The following SPON2 variants were observed in gnomAD, a reference collection of about 807,000 sequenced individuals.
The protein encoded by SPON2 is spondin 2, also known as spondin-2.
SPON2 carries 32 observed loss-of-function variants against 29.9 expected under a neutral mutation model. That is an observed-to-expected ratio of 1.07 (90% confidence interval 0.81 to 1.44). The LOEUF (loss-of-function observed/expected upper bound fraction) is 1.44, where lower values mean the gene tolerates loss of function less well. Ranked by LOEUF, SPON2 falls within the 40% of genes most tolerant of loss-of-function variation. SPON2 has a pLI of 0.00. For synonymous variants in SPON2, 248 were observed against 209.1 expected (o/e 1.19, Z -1.61); for missense variants, 541 against 455.5 (o/e 1.19, Z -1.71).
intron 1 of SPON2, among the ~76,000 whole-genome samples, chr4:1,186,831 C>T (rs572575471): frequency 4.7e-4 from 71 of 152,234 alleles, no homozygotes; most frequent in African/African-American, 1.6e-3. Context: ...TAGGACATCA[C>T]CTCACACCCA....
At chr4:1,191,359 G>C (rs1727911054) in intron 1 of SPON2, among the ~76,000 whole-genome samples, 1 of 152,164 alleles carries the variant, frequency 6.6e-6, no homozygotes, top group Non-Finnish European at 1.5e-5. Context: ...ACTCACTTGA[G>C]GAGAGATCAG....
chr4:1,189,048 A>G (rs368005632), intron 1 of SPON2, among the ~76,000 whole-genome samples: 3 of 152,202 alleles, frequency 2.0e-5, no homozygotes, highest in African/African-American at 7.2e-5. Flanking sequence ...GGTAATTAAA[A>G]AATATGTTAA....
rs1176780502 is a variant in SPON2 at position 1,189,693 on chromosome 4, G to A, written c.-239+5297C>T. 2.1e-5 allele frequency among the ~76,000 whole-genome samples: 3 copies of A among 146,010 alleles called. No homozygotes were observed. The Admixed American group carries it at 2.1e-4, about 10-fold the overall frequency. ...AAAGAAAAGAAAACAAAAAACAAAA[G>A]TTGGTTTTTGGAAGGCCAGGTGCGG... is the stretch of plus-strand genomic sequence containing the variant. On this transcript the variant is annotated intron_variant, in intron 1 of 3. Coordinates refer to the SPON2 transcript ENST00000502483.
intron 1 of SPON2, among the ~76,000 whole-genome samples, chr4:1,187,627 C>G (rs990967803): frequency 3.3e-5 from 5 of 152,098 alleles, no homozygotes; most frequent in African/African-American, 1.2e-4. Flanking sequence ...CAATTAATAT[C>G]TTAATTTATA....
chr4:1,174,456 C>T (rs1471162549), upstream of SPON2, among the ~76,000 whole-genome samples: 1 of 144,320 alleles, frequency 6.9e-6, no homozygotes, highest in Non-Finnish European at 1.5e-5. Context: ...CACTGCAGTC[C>T]AGCCTGGGCA....
chr4:1,177,659 G>C (rs1468250004), upstream of SPON2, among the ~76,000 whole-genome samples: 1 of 152,212 alleles, frequency 6.6e-6, no homozygotes, highest in African/African-American at 2.4e-5. Context: ...AGCTGAGAAG[G>C]GAGAGGCCTT....
rs963273847 is a variant in SPON2, at chr4:1,205,733, C to T, written c.-234+2147G>A. Among the ~76,000 whole-genome samples the T allele has an allele frequency of 3.9e-5, 6 of 152,250 alleles. No individual in the cohort carries two copies. In the East Asian group the frequency reaches 1.2e-3, roughly 29 times the overall value. On this transcript the variant is annotated intron_variant, in intron 1 of 3. Coordinates refer to the SPON2 transcript ENST00000509233. ...ACGGCCCCAGGGCCTCCAGGCCCGCCCAGGCTCCCTCACTCAGATGTCCCA... is the reference window on the plus strand; with the variant it reads ...ACGGCCCCAGGGCCTCCAGGCCCGCTCAGGCTCCCTCACTCAGATGTCCCA...
At chr4:1,170,185 G>A (rs1727377750) in intron 5 of SPON2, 1 of 563,894 alleles carries the variant, frequency 1.8e-6, no homozygotes, top group Non-Finnish European at 3.1e-6. Context: ...CCTCTGGGCT[G>A]TGGCCCTGTA....
chr4:1,172,506 G>T, intron 1 of SPON2, 38 bp downstream of exon 1: 1 of 211,938 alleles, frequency 4.7e-6, no homozygotes, highest in Non-Finnish European at 9.4e-6. Context: ...AGGAGGCCCG[G>T]GCCCTCTCTG....
intron 5 of SPON2, chr4:1,170,119 C>A: frequency 8.1e-6 from 3 of 371,758 alleles, no homozygotes; most frequent in Non-Finnish European, 9.8e-6. Context: ...CCTGTGGGTG[C>A]GTGTCTGACA....
intron 1 of SPON2, among the ~76,000 whole-genome samples, chr4:1,184,761 G>A (rs889458254): frequency 5.3e-5 from 8 of 151,842 alleles, no homozygotes; most frequent in Non-Finnish European, 7.4e-5. Context: ...AGTGAAACCC[G>A]TCTCTACTAA....
At position 1,171,349 on chromosome 4, in the gene SPON2, C is replaced by CG. The variant is rs1348377758; in HGVS notation, c.357dup (p.Val120ArgfsTer145). On this transcript the variant is annotated frameshift_variant, in exon 3 of 6. Transcript: ENST00000290902. LOFTEE classifies it high-confidence loss of function. ...GCGGGCGCCGAAAACACCGCGTGCA[C>CG]GCTCTGCAGCGCCTCCCCCGCCGCC... The CG allele has an allele frequency of 6.2e-6, 10 of 1,609,776 alleles. No homozygotes were observed. Among genetic ancestry groups the CG allele is most frequent in the Non-Finnish European group, 8.5e-6 (10 of 1,179,468 alleles).
At chr4:1,172,860 CTCCCCTCCCTGTCCCCTCCCT>C (rs1727503531), upstream of SPON2, 56 of 130,222 alleles carry the variant, frequency 4.3e-4, no homozygotes, top group Admixed American at 8.2e-4. Flanking sequence ...TATCCCTCCC[CTCCCCTCCCTGTCCCCTCCCT>C]TCCCCTCCCC....
At chr4:1,195,013 C>T (rs113030665) in exon 1 of SPON2, 1 of 108,296 alleles carries the variant, frequency 9.2e-6, no homozygotes, top group African/African-American at 3.4e-5. Context: ...GTTCCAACCC[C>T]GCAGCCGGCG....
intron 1 of SPON2, among the ~76,000 whole-genome samples, chr4:1,181,753 C>T (rs1727705158): frequency 6.6e-6 from 1 of 152,102 alleles, no homozygotes; most frequent in Admixed American, 6.5e-5. Flanking sequence ...GCGAGGCTGG[C>T]AAGAAAAAAG....
At chr4:1,174,537 T>C (rs1198112074), upstream of SPON2, among the ~76,000 whole-genome samples, 1 of 149,118 alleles carries the variant, frequency 6.7e-6, no homozygotes, top group Admixed American at 6.6e-5. Flanking sequence ...AAAAAACTAA[T>C]TGAGGACACT....
In SPON2 at chr4:1,202,005, T is replaced by C. The variant is rs1728221694; in HGVS notation, c.-234+5875A>G. On this transcript the variant is annotated intron_variant, in intron 1 of 3. Coordinates refer to the SPON2 transcript ENST00000509233. This position sits in a 1 kb window ranked among gnomAD's most constrained non-coding sequence, Gnocchi z 5.4. ...TTACAGTGTACAATTCAGTGGTTTT[T>C]AGCATGTTCACGAAGTTGTGCAACC... is the stretch of plus-strand genomic sequence containing the variant. 6.6e-6 allele frequency among the ~76,000 whole-genome samples: 1 copy of C among 152,222 alleles called. No individual in the cohort carries two copies. The highest frequency in any genetic ancestry group is 1.5e-5 in the Non-Finnish European group (1 of 68,038).
intron 1 of SPON2, among the ~76,000 whole-genome samples, chr4:1,194,798 G>C (rs1289638809): frequency 6.6e-6 from 1 of 152,008 alleles, no homozygotes; most frequent in Admixed American, 6.5e-5. Flanking sequence ...CACTCAGCGG[G>C]GGCTGCCTGG....
At chr4:1,185,140 C>G (rs974413642) in intron 1 of SPON2, among the ~76,000 whole-genome samples, 6 of 151,448 alleles carry the variant, frequency 4.0e-5, no homozygotes, top group African/African-American at 1.5e-4. Flanking sequence ...GTGGCACAAT[C>G]TCGGCTCACT....
Sources: allele counts gnomAD v4.1 joint callset (sites outside exome capture counted in the v4.1 genomes callset), GRCh38; gene constraint gnomAD v4.1.1; non-coding constraint Gnocchi (gnomAD v3.1); transcripts MANE v1.5; gene names NCBI Gene and HGNC (gene_info 2026-07-23, HGNC 2026-07-21).